DNAAF1: variants seen among roughly 807,000 people sequenced by gnomAD.
The protein encoded by DNAAF1 is dynein axonemal assembly factor 1, also known as dynein assembly factor 1, axonemal.
A neutral mutation model predicts 71.1 loss-of-function variants in DNAAF1; 65 were observed. The ratio of observed to expected loss-of-function variants is 0.91; its 90% CI spans 0.75 to 1.12. The LOEUF (loss-of-function observed/expected upper bound fraction) is 1.12, where lower values mean the gene tolerates loss of function less well. Ranked by LOEUF, DNAAF1 falls within the 50% of genes most tolerant of loss-of-function variation. The probability of loss-of-function intolerance (pLI) is 0.00; values close to 1 mark genes in which losing one functional copy is unlikely to be tolerated. For synonymous variants in DNAAF1, 414 were observed against 354.6 expected (o/e 1.17, Z -1.88); for missense variants, 1,178 against 899.8 (o/e 1.31, Z -3.96).
chr16:84,147,923 C>T (rs543024171), intron 1 of DNAAF1, among the ~76,000 whole-genome samples: 38 of 152,178 alleles, frequency 2.5e-4, no homozygotes, highest in Non-Finnish European at 5.0e-4. Context: ...AAAAAATTAG[C>T]TAGGCATGGT....
chr16:84,164,968 C>A (rs1032261238), intron 6 of DNAAF1, among the ~76,000 whole-genome samples: 1 of 152,194 alleles, frequency 6.6e-6, no homozygotes, highest in African/African-American at 2.4e-5. Flanking sequence ...GTAGCCATAT[C>A]ATGTTATCTT....
chr16:84,148,090 T>A (rs1424575588), intron 1 of DNAAF1, among the ~76,000 whole-genome samples: 1 of 151,976 alleles, frequency 6.6e-6, no homozygotes, highest in East Asian at 1.9e-4. Context: ...AATAAAACAT[T>A]TCACATAGAG....
chr16:84,145,680 A>G (rs1289959288), intron 1 of DNAAF1, 116 bp downstream of exon 1: 1 of 1,311,584 alleles, frequency 7.6e-7, no homozygotes, highest in Non-Finnish European at 1.0e-6. Context: ...CAATAATAAT[A>G]ATGGTAGCAA....
intron 7 of DNAAF1, among the ~76,000 whole-genome samples, chr16:84,167,619 C>T (rs1400634513): frequency 1.3e-5 from 2 of 152,240 alleles, no homozygotes; most frequent in African/African-American, 2.4e-5. Flanking sequence ...AGCCTCCTAG[C>T]ACCCCTATGT....
At chr16:84,173,218 C>G (rs1240896071) in intron 9 of DNAAF1, 10 of 975,746 alleles carry the variant, frequency 1.0e-5, no homozygotes, top group Non-Finnish European at 1.2e-5. Context: ...AATCCCAGCA[C>G]TTTGGGAGGC....
chr16:84,159,668 C>G lies in DNAAF1; in HGVS notation c.742-7C>G, dbSNP rs2087610689. The stretch of plus-strand genomic sequence containing the variant: ...TAATCATTTTGGTTCTGCTTGTCTT[C>G]TTGCAGCGTGTACTGAATTTGATGG... On this transcript the variant is annotated splice_polypyrimidine_tract_variant and splice_region_variant and intron_variant, in intron 5 of 11. Coordinates refer to ENST00000378553, the MANE Select transcript of DNAAF1 (RefSeq NM_178452.6). 1 of 1,608,860 alleles carries G rather than the reference C, an allele frequency of 6.2e-7. No individual in the cohort carries two copies. Among genetic ancestry groups the G allele is most frequent in the Non-Finnish European group, 8.5e-7 (1 of 1,176,982 alleles).
chr16:84,174,937 C>T (rs916282801), intron 10 of DNAAF1: 1 of 541,306 alleles, frequency 1.8e-6, no homozygotes, highest in Non-Finnish European at 3.3e-6. Context: ...CTCACTGCAA[C>T]CTCCACCTCC....
chr16:84,169,169 G>A (rs1287879296), intron 7 of DNAAF1, among the ~76,000 whole-genome samples: 3 of 143,182 alleles, frequency 2.1e-5, no homozygotes, highest in Non-Finnish European at 4.5e-5. Flanking sequence ...TGTCTCCTGG[G>A]TTCAAGCGCT....
intron 2 of DNAAF1, 127 bp downstream of exon 2, chr16:84,149,269 G>A: frequency 8.1e-7 from 1 of 1,241,606 alleles, no homozygotes; most frequent in South Asian, 1.2e-5. Context: ...TCTGAGAATG[G>A]AGTGAGGATG....
Position 84,165,870 on chromosome 16 carries a change from C to A in DNAAF1, c.951C>A (p.Ile317=), listed in dbSNP as rs147108125. ...QQWESRERKK[I]TDSIEALAMI... is the part of the protein sequence containing the mutation. ...GGGAGAGCAGGGAGCGGAAGAAGAT[C>A]ACAGACAGCATTGAAGCCTTGGCCA... The change falls in exon 7 of 12, where the codon ATC becomes ATA. Residue 317 remains isoleucine (I), a synonymous_variant. Coordinates refer to ENST00000378553, the MANE Select transcript of DNAAF1 (RefSeq NM_178452.6). The A allele has an allele frequency of 8.4e-5, 135 of 1,613,186 alleles. No homozygotes were observed. The highest frequency in any genetic ancestry group is 1.0e-4 in the Non-Finnish European group (122 of 1,179,908).
At chr16:84,166,035 G>T in intron 7 of DNAAF1, 86 bp downstream of exon 7, 17 of 1,234,992 alleles carry the variant, frequency 1.4e-5, no homozygotes, top group East Asian at 2.6e-5. Flanking sequence ...TTAATCTTGG[G>T]AATTTTTTTT....
chr16:84,145,749 A>C (rs2086869866), intron 1 of DNAAF1, among the ~76,000 whole-genome samples, 185 bp downstream of exon 1: 1 of 152,228 alleles, frequency 6.6e-6, no homozygotes, highest in Non-Finnish European at 1.5e-5. Flanking sequence ...AAACATACTT[A>C]AGAGGTTACA....
intron 10 of DNAAF1, 76 bp downstream of exon 10, chr16:84,174,798 C>T: frequency 1.3e-6 from 2 of 1,580,738 alleles, no homozygotes; most frequent in South Asian, 1.1e-5. Flanking sequence ...CGTTTCTCTC[C>T]TAAACTTGAA....
chr16:84,169,709 C>A lies in DNAAF1; in HGVS notation c.1031-150C>A, dbSNP rs1403687165. 13 of 1,124,308 alleles carry A rather than the reference C, an allele frequency of 1.2e-5. No individual in the cohort carries two copies. The South Asian group carries it at 1.5e-4, about 13-fold the overall frequency. The allele number at this position is 1,124,308 out of a possible 1,614,324, so 69.6% of individuals were successfully genotyped here. A position where few individuals can be genotyped will look rare whatever the true frequency, so the allele number is the denominator to read the frequency against. ...GTGCTGGGATTACAGGCACGAGCCA[C>A]CGCGCCCAGCCCCTTGAGGACACTT... On this transcript the variant is annotated intron_variant, in intron 7 of 11. Transcript: ENST00000378553.
At chr16:84,163,383 CTTT>C (rs71382897) in intron 6 of DNAAF1, among the ~76,000 whole-genome samples, 12 of 135,552 alleles carry the variant, frequency 8.9e-5, no homozygotes, top group East Asian at 8.6e-4. Context: ...CTCTCTTTTT[CTTT>C]TTTTTTTTTT....
chr16:84,146,248 G>T (rs554543148), intron 1 of DNAAF1, among the ~76,000 whole-genome samples: 2 of 152,190 alleles, frequency 1.3e-5, no homozygotes, highest in African/African-American at 2.4e-5. Flanking sequence ...CTATCACTAT[G>T]TAAGATCAAA....
intron 7 of DNAAF1, among the ~76,000 whole-genome samples, chr16:84,168,348 G>T (rs1259045736): frequency 2.0e-5 from 3 of 152,182 alleles, no homozygotes; most frequent in East Asian, 3.8e-4. Context: ...TGATCTCAGG[G>T]TTCTAGATCC....
At chr16:84,168,533 C>A (rs775146668) in intron 7 of DNAAF1, among the ~76,000 whole-genome samples, 1 of 152,154 alleles carries the variant, frequency 6.6e-6, no homozygotes, top group Non-Finnish European at 1.5e-5. Flanking sequence ...CCGCCTCGGC[C>A]TCCCAAAGTG....
At position 84,154,571 on chromosome 16, in the gene DNAAF1, T is replaced by C. The variant is rs747051175; in HGVS notation, c.353-6T>C. 1 of 1,613,762 alleles carries C rather than the reference T, an allele frequency of 6.2e-7. No homozygotes were observed. Among genetic ancestry groups the C allele is most frequent in the African/African-American group, 1.3e-5 (1 of 74,916 alleles). ...GCTTAATTCCCACGTGCTTCCTTTT[T>C]GTTAGGTTTTGATCGCATTGAGAAC... On this transcript the variant is annotated splice_region_variant and splice_polypyrimidine_tract_variant and intron_variant, in intron 3 of 11. Transcript: ENST00000378553.
Sources: allele counts gnomAD v4.1 joint callset (sites outside exome capture counted in the v4.1 genomes callset), GRCh38; gene constraint gnomAD v4.1.1; transcripts MANE v1.5; gene names NCBI Gene and HGNC (gene_info 2026-07-23, HGNC 2026-07-21).